LUZP2: variants seen among roughly 807,000 people sequenced by gnomAD.
LUZP2 encodes leucine zipper protein 2.
Under a neutral mutation model 51.6 loss-of-function variants are expected in LUZP2, and 52 were observed. That is an observed-to-expected ratio of 1.01 (90% confidence interval 0.81 to 1.27). The LOEUF is 1.27. Ranked by LOEUF, LUZP2 falls within the 50% of genes most tolerant of loss-of-function variation. LUZP2 has a pLI of 0.00. For synonymous variants in LUZP2, 154 were observed against 137.3 expected, an observed-to-expected ratio of 1.12 and a Z score of -0.85; for missense variants, 436 against 395.4, an observed-to-expected ratio of 1.10 and a Z score of -0.87.
At chr11:24,818,336 C>T (rs1391796074) in intron 5 of LUZP2, among the ~76,000 whole-genome samples, 3 of 151,954 alleles carry the variant, frequency 2.0e-5, no homozygotes, top group African/African-American at 7.2e-5. Context: ...AATTTATTAG[C>T]CCAGTTGAAA....
intron 5 of LUZP2, chr11:24,890,900 T>TG: frequency 1.0e-6 from 1 of 960,024 alleles, no homozygotes; most frequent in Non-Finnish European, 1.2e-6. Context: ...AGTTCTTTTT[T>TG]TTTTTTTTTT....
At chr11:24,620,331 AC>A (rs1319756065) in intron 1 of LUZP2, among the ~76,000 whole-genome samples, 3 of 152,142 alleles carry the variant, frequency 2.0e-5, no homozygotes, top group African/African-American at 4.8e-5. Context: ...GTTCAAATAA[AC>A]TTTTTTTTTG....
intron 1 of LUZP2, among the ~76,000 whole-genome samples, chr11:24,602,178 G>GTACATATA (rs1853715518): frequency 8.9e-6 from 1 of 112,050 alleles, no homozygotes; most frequent in Non-Finnish European, 1.8e-5. Flanking sequence ...GTATATATAT[G>GTACATATA]TGTATATATG....
At chr11:24,729,127 G>A (rs1231421667) in intron 1 of LUZP2, 42 bp from the exon 2 acceptor site, 1 of 1,065,680 alleles carries the variant, frequency 9.4e-7, no homozygotes, top group South Asian at 2.3e-5. Context: ...ATGCCAAGTG[G>A]AACCATTTGG....
intron 5 of LUZP2, among the ~76,000 whole-genome samples, chr11:24,803,966 T>C (rs1001918218): frequency 4.8e-5 from 7 of 145,070 alleles, no homozygotes; most frequent in African/African-American, 1.3e-4. Flanking sequence ...CAGTGAGACA[T>C]TGAAGTACAA....
chr11:24,885,217 A>G (rs1269819053), intron 5 of LUZP2, among the ~76,000 whole-genome samples: 1 of 152,110 alleles, frequency 6.6e-6, no homozygotes, highest in Non-Finnish European at 1.5e-5. Context: ...CAAAGCCCTC[A>G]ACCTTCTTGG....
rs113125922 is a variant in LUZP2, at chr11:24,992,306, C to T, written c.765+9013C>T. On this transcript the variant is annotated intron_variant, in intron 9 of 11. Coordinates refer to ENST00000336930, the MANE Select transcript of LUZP2 (RefSeq NM_001009909.4). ...ACTAGTCCAGTAAACAGTAGGCAAA[C>T]ATTTATTGTACTCTATTTTGGAAAA... Among the ~76,000 whole-genome samples the T allele has an allele frequency of 2.2e-4, 33 of 152,058 alleles. 1 individual carries two copies. Among genetic ancestry groups the T allele is most frequent in the African/African-American group, 7.5e-4 (31 of 41,502 alleles).
chr11:24,645,614 T>C (rs763853469), intron 1 of LUZP2, among the ~76,000 whole-genome samples: 1 of 152,126 alleles, frequency 6.6e-6, no homozygotes, highest in Non-Finnish European at 1.5e-5. Context: ...ATTTATCTAA[T>C]TAGCAGAGTA....
chr11:24,514,651 A>G (rs1166638017), intron 1 of LUZP2, among the ~76,000 whole-genome samples: 1 of 148,276 alleles, frequency 6.7e-6, no homozygotes, highest in Non-Finnish European at 1.5e-5. Context: ...TGTTAACATA[A>G]TTTTCTTAAT....
At chr11:24,619,760 T>G (rs2133903470) in intron 1 of LUZP2, among the ~76,000 whole-genome samples, 1 of 152,282 alleles carries the variant, frequency 6.6e-6, no homozygotes, top group East Asian at 1.9e-4. Flanking sequence ...ACATAATACC[T>G]AATACAGTGT....
chr11:24,637,378 T>TGA (rs1399303372), intron 1 of LUZP2, among the ~76,000 whole-genome samples: 5 of 151,838 alleles, frequency 3.3e-5, no homozygotes, highest in African/African-American at 1.2e-4. Flanking sequence ...CTGTACAAAT[T>TGA]GTTGGTAAAA....
intron 9 of LUZP2, among the ~76,000 whole-genome samples, chr11:25,037,857 G>T (rs1391431159): frequency 6.6e-6 from 1 of 151,848 alleles, no homozygotes; most frequent in Non-Finnish European, 1.5e-5. Flanking sequence ...TCCTCTGTAG[G>T]TTCCCTGCCC....
chr11:24,767,930 T>A (rs775948719), intron 5 of LUZP2, among the ~76,000 whole-genome samples: 5 of 152,014 alleles, frequency 3.3e-5, no homozygotes, highest in African/African-American at 4.8e-5. Context: ...CAGAATTTAT[T>A]CTGACTTTCA....
chr11:24,887,172 C>T (rs10834528), intron 5 of LUZP2, among the ~76,000 whole-genome samples: 2 of 149,090 alleles, frequency 1.3e-5, no homozygotes, highest in African/African-American at 2.5e-5. Context: ...ACCCAGCCTG[C>T]GAAGCCCCTA....
At chr11:24,928,337 A>C (rs763701916) in intron 7 of LUZP2, among the ~76,000 whole-genome samples, 32 of 151,732 alleles carry the variant, frequency 2.1e-4, no homozygotes, top group Non-Finnish European at 2.5e-4. Flanking sequence ...AATGCTTTCA[A>C]CTTCTCCTTG....
intron 1 of LUZP2, among the ~76,000 whole-genome samples, chr11:24,543,538 G>A (rs1851444301): frequency 6.6e-6 from 1 of 151,994 alleles, no homozygotes; most frequent in Non-Finnish European, 1.5e-5. Flanking sequence ...ATTGCTATGA[G>A]CGAGGAAATA....
At chr11:25,025,490 T>G (rs529430815) in intron 9 of LUZP2, among the ~76,000 whole-genome samples, 1 of 152,254 alleles carries the variant, frequency 6.6e-6, no homozygotes, top group Admixed American at 6.5e-5. Flanking sequence ...GCAAAGGATA[T>G]GAACAGACAC....
At chr11:24,727,171 A>C (rs1189428328) in intron 1 of LUZP2, among the ~76,000 whole-genome samples, 1 of 152,122 alleles carries the variant, frequency 6.6e-6, no homozygotes, top group Non-Finnish European at 1.5e-5. Context: ...AAAAATAAAT[A>C]TAGTAAACAA....
At chr11:24,923,717 C>T (rs1219793758) in intron 7 of LUZP2, among the ~76,000 whole-genome samples, 1 of 152,026 alleles carries the variant, frequency 6.6e-6, no homozygotes, top group East Asian at 1.9e-4. Context: ...CCCCAGGGTG[C>T]TCCCTCTCAA....
Sources: gnomAD v4.1 joint callset for allele counts (sites outside exome capture counted in the v4.1 genomes callset) on GRCh38, gnomAD v4.1.1 for gene constraint, MANE v1.5 for transcripts, NCBI Gene and HGNC (gene_info 2026-07-23, HGNC 2026-07-21) for gene names.